The following PUDP variants were observed in gnomAD, a reference collection of about 807,000 sequenced individuals.
PUDP encodes pseudouridine 5'-phosphatase.
Under a neutral mutation model 9.4 loss-of-function variants are expected in PUDP, and 8 were observed. The observed-to-expected ratio is 0.85, with a 90% CI of 0.50 to 1.53. PUDP has a LOEUF of 1.53. Ranked by LOEUF, PUDP falls within the 40% of genes most tolerant of loss-of-function variation. PUDP has a pLI of 0.00. For synonymous variants in PUDP, 99 were observed against 80.7 expected, an observed-to-expected ratio of 1.23 and a Z score of -1.22; for missense variants, 188 against 189.7, an observed-to-expected ratio of 0.99 and a Z score of 0.05.
intron 3 of PUDP, among the ~76,000 whole-genome samples, chrX:6,898,269 T>G: frequency 8.8e-6 from 1 of 113,015 alleles, no homozygotes; most frequent in Non-Finnish European, 1.9e-5. Flanking sequence ...GGCAGCTGCA[T>G]AAATGCAGAA....
At chrX:6,997,159 A>G (rs1435631554) in intron 1 of PUDP, among the ~76,000 whole-genome samples, 1 of 112,374 alleles carries the variant, frequency 8.9e-6, no homozygotes, top group African/African-American at 3.2e-5. Context: ...CTATAATTCT[A>G]TATATTCTAT....
chrX:6,995,853 G>A (rs947007755), intron 1 of PUDP, among the ~76,000 whole-genome samples: 5 of 107,217 alleles, frequency 4.7e-5, no homozygotes, highest in Admixed American at 1.0e-4. Flanking sequence ...TATGAGAGGC[G>A]CTCACAGGTC....
chrX:6,941,485 T>A (rs1387395761), intron 3 of PUDP, among the ~76,000 whole-genome samples: 1 of 108,277 alleles, frequency 9.2e-6, no homozygotes, highest in Non-Finnish European at 1.9e-5. Flanking sequence ...CACACTACCA[T>A]GCCCGGCTAA....
rs1844334276 is a variant in PUDP, at chrX:6,803,872, A to T, written c.*248-97406T>A. 4.5e-5 allele frequency among the ~76,000 whole-genome samples: 5 copies of T among 111,603 alleles called. No individual in the cohort carries two copies. In the South Asian group the frequency reaches 1.5e-3, roughly 34 times the overall value. ...TTGTACAGGGATAGCTCCAAGGTAAAGAATATTGATGCCTTTTCTTTTGTG... is the reference window on the plus strand; with the variant it reads ...TTGTACAGGGATAGCTCCAAGGTAATGAATATTGATGCCTTTTCTTTTGTG... On this transcript the variant is annotated intron_variant and NMD_transcript_variant, in intron 3 of 3. Transcript: ENST00000655425.
intron 1 of PUDP, among the ~76,000 whole-genome samples, chrX:7,041,361 T>C (rs780621100): frequency 8.9e-6 from 1 of 111,878 alleles, no homozygotes; most frequent in Non-Finnish European, 1.9e-5. Flanking sequence ...TGGAATTATC[T>C]GGCTGTGTTA....
At chrX:6,896,695 C>T (rs1927597626) in intron 3 of PUDP, among the ~76,000 whole-genome samples, 2 of 110,659 alleles carry the variant, frequency 1.8e-5, no homozygotes, top group African/African-American at 6.6e-5. Context: ...TTTTTATTTT[C>T]TGCTTCACAG....
At chrX:7,074,906 C>T (rs1207287605) in intron 3 of PUDP, among the ~76,000 whole-genome samples, 2 of 112,152 alleles carry the variant, frequency 1.8e-5, no homozygotes, top group Non-Finnish European at 3.8e-5. Context: ...GTCTCAGGCA[C>T]GTCCCACGTT....
rs1436968390 is a variant in PUDP at position 7,112,401 on chromosome X, G to A, written c.62-6563C>T. Among the ~76,000 whole-genome samples, 5 of 112,019 alleles carry A rather than the reference G, an allele frequency of 4.5e-5. No individual in the cohort carries two copies. The East Asian group carries it at 8.4e-4, about 19-fold the overall frequency. On this transcript the variant is annotated intron_variant, in intron 1 of 3. Transcript: ENST00000381077. The stretch of plus-strand genomic sequence containing the variant: ...GGATTATGAACCCGAGTTTGTGACC[G>A]CTTACTTATGAAGTTACACTTTGTG...
At chrX:6,743,225 G>T (rs1252804411) in intron 3 of PUDP, among the ~76,000 whole-genome samples, 1 of 112,292 alleles carries the variant, frequency 8.9e-6, no homozygotes, top group Non-Finnish European at 1.9e-5. Flanking sequence ...ATTATTGCAT[G>T]GTTCCCATAA....
At chrX:6,742,902 G>A (rs1236933990) in intron 3 of PUDP, among the ~76,000 whole-genome samples, 1 of 112,542 alleles carries the variant, frequency 8.9e-6, no homozygotes, top group Non-Finnish European at 1.9e-5. Context: ...GAAATACATA[G>A]CTTCCGCTCA....
chrX:6,811,720 G>A (rs79994945), intron 3 of PUDP, among the ~76,000 whole-genome samples: 1 of 111,100 alleles, frequency 9.0e-6, no homozygotes. Flanking sequence ...GAGCTCAAGT[G>A]ATCCTCCTGG....
chrX:6,899,091 T>C lies in PUDP; in HGVS notation c.*247+78042A>G, dbSNP rs927321081. ...CTTTAACCACATTTATAAACATCTG[T>C]CAATCGCTCAGTGTGACACAGGCTA... On this transcript the variant is annotated intron_variant and NMD_transcript_variant, in intron 3 of 3. Coordinates refer to the PUDP transcript ENST00000655425. 5.3e-5 allele frequency among the ~76,000 whole-genome samples: 6 copies of C among 112,343 alleles called. No homozygotes were observed. In the Admixed American group the frequency reaches 5.7e-4, roughly 11 times the overall value.
intron 3 of PUDP, among the ~76,000 whole-genome samples, chrX:6,731,803 C>T (rs1274568189): frequency 1.9e-5 from 2 of 104,037 alleles, no homozygotes; most frequent in Admixed American, 1.0e-4. Flanking sequence ...GAAGGGACGG[C>T]GGAAGGAAGG....
chrX:6,775,900 G>A (rs1925450572), intron 3 of PUDP, among the ~76,000 whole-genome samples: 1 of 111,478 alleles, frequency 9.0e-6, no homozygotes, highest in African/African-American at 3.3e-5. Flanking sequence ...CCAGAACTGT[G>A]AGATGGAAAT....
chrX:6,988,245 G>A (rs966332871), intron 1 of PUDP, among the ~76,000 whole-genome samples: 2 of 111,534 alleles, frequency 1.8e-5, no homozygotes, highest in African/African-American at 6.5e-5. Flanking sequence ...CATCTCTTTT[G>A]GTGCTCCCAC....
intron 3 of PUDP, among the ~76,000 whole-genome samples, chrX:6,869,624 C>T (rs1927142728): frequency 9.0e-6 from 1 of 110,983 alleles, no homozygotes; most frequent in South Asian, 3.8e-4. Flanking sequence ...CCTTAAAAGT[C>T]ACATGGTATC....
intron 1 of PUDP, among the ~76,000 whole-genome samples, chrX:7,114,389 T>C (rs1335854503): frequency 9.0e-6 from 1 of 111,412 alleles, no homozygotes; most frequent in Non-Finnish European, 1.9e-5. Context: ...CCTCCTCCTC[T>C]TCTTACAAAG....
intron 3 of PUDP, among the ~76,000 whole-genome samples, chrX:6,953,681 A>G (rs1005410587): frequency 1.8e-5 from 2 of 111,146 alleles, no homozygotes; most frequent in African/African-American, 3.3e-5. Context: ...CTGCAGCAAG[A>G]ACATTCCCTA....
chrX:7,118,145 G>T (rs1194418565), intron 1 of PUDP, among the ~76,000 whole-genome samples: 1 of 112,418 alleles, frequency 8.9e-6, no homozygotes, highest in African/African-American at 3.2e-5. Flanking sequence ...GACATATTTG[G>T]GTTTTACCCT....
Sources: allele counts gnomAD v4.1 joint callset (sites outside exome capture counted in the v4.1 genomes callset), GRCh38; gene constraint gnomAD v4.1.1; transcripts MANE v1.5; gene names NCBI Gene and HGNC (gene_info 2026-07-23, HGNC 2026-07-21).